SNX9: variants seen among roughly 807,000 people sequenced by gnomAD.
SNX9 encodes the protein sorting nexin-9.
A neutral mutation model predicts 89.4 loss-of-function variants in SNX9; 44 were observed. The observed-to-expected ratio is 0.49, with a 90% confidence interval of 0.39 to 0.63. The LOEUF is 0.63. Ranked by LOEUF, SNX9 falls within the 30% of genes least tolerant of loss-of-function variation. The probability of loss-of-function intolerance (pLI) is 0.00; values close to 1 mark genes in which losing one functional copy is unlikely to be tolerated. For synonymous variants in SNX9, 236 were observed against 247.8 expected, an observed-to-expected ratio of 0.95 and a Z score of 0.45; for missense variants, 578 against 736.1, an observed-to-expected ratio of 0.79 and a Z score of 2.49.
intron 5 of SNX9, among the ~76,000 whole-genome samples, chr6:157,897,718 G>T (rs1783009840): frequency 6.6e-6 from 1 of 152,118 alleles, no homozygotes; most frequent in Non-Finnish European, 1.5e-5. Flanking sequence ...GTTTCACCAT[G>T]TTGGCCAGGC....
intron 1 of SNX9, among the ~76,000 whole-genome samples, chr6:157,853,460 A>G (rs964120488): frequency 6.6e-6 from 1 of 152,104 alleles, no homozygotes; most frequent in East Asian, 1.9e-4. Context: ...AATTTATTCA[A>G]CTTCTGGGAT....
At chr6:157,873,037 A>G (rs376947058) in intron 2 of SNX9, 65 bp from the exon 3 acceptor site, 5 of 1,380,614 alleles carry the variant, frequency 3.6e-6, no homozygotes, top group Admixed American at 2.3e-5. Context: ...CCTCCACACA[A>G]AATTTCTCCA....
chr6:157,867,472 G>A, intron 1 of SNX9, 75 bp from the exon 2 acceptor site: 2 of 1,207,182 alleles, frequency 1.7e-6, no homozygotes, highest in Non-Finnish European at 2.4e-6. Context: ...CTTAGAAAGT[G>A]AACTGTACAC....
chr6:157,831,566 G>A (rs570825337), intron 1 of SNX9, among the ~76,000 whole-genome samples: 243 of 152,248 alleles, frequency 1.6e-3, no homozygotes, highest in Admixed American at 3.3e-3. Context: ...CACTTTGTGT[G>A]TTGCCTCCCC....
intron 1 of SNX9, among the ~76,000 whole-genome samples, chr6:157,832,167 C>A (rs747694588): frequency 6.6e-6 from 1 of 152,146 alleles, no homozygotes; most frequent in Non-Finnish European, 1.5e-5. Flanking sequence ...ATCTGAAAAT[C>A]GAGTCATATG....
intron 1 of SNX9, among the ~76,000 whole-genome samples, chr6:157,856,663 C>G (rs538652814): frequency 5.3e-5 from 8 of 152,320 alleles, no homozygotes; most frequent in African/African-American, 1.7e-4. Context: ...CACTCCCAAC[C>G]CTTATCCCCT....
chr6:157,899,239 G>T (rs1442924899), intron 5 of SNX9, among the ~76,000 whole-genome samples: 1 of 152,112 alleles, frequency 6.6e-6, no homozygotes, highest in African/African-American at 2.4e-5. Context: ...CCCCAACTCG[G>T]TCTTTTTAAT....
intron 1 of SNX9, among the ~76,000 whole-genome samples, chr6:157,862,712 GT>G (rs1283415727): frequency 2.6e-5 from 4 of 151,818 alleles, no homozygotes; most frequent in African/African-American, 7.3e-5. Context: ...ATTTTGAACT[GT>G]TTTATTCTCT....
At chr6:157,854,649 C>T (rs1221118830) in intron 1 of SNX9, among the ~76,000 whole-genome samples, 1 of 152,004 alleles carries the variant, frequency 6.6e-6, no homozygotes, top group Non-Finnish European at 1.5e-5. Context: ...CATTGTGTTG[C>T]TTTTGTTGTT....
At chr6:157,843,712 T>G (rs948917138) in intron 1 of SNX9, among the ~76,000 whole-genome samples, 2 of 152,210 alleles carry the variant, frequency 1.3e-5, no homozygotes, top group African/African-American at 2.4e-5. Flanking sequence ...TTTGTGTACT[T>G]CTGATTGCAG....
chr6:157,889,646 G>T (rs1260587172), intron 4 of SNX9, among the ~76,000 whole-genome samples: 2 of 152,092 alleles, frequency 1.3e-5, no homozygotes, highest in African/African-American at 4.8e-5. Context: ...TGTATCTGAA[G>T]GTAACAGAAC....
Position 157,823,341 on chromosome 6 carries a change from C to A in SNX9, c.-94C>A. On this transcript the variant is annotated 5_prime_UTR_variant, in exon 1 of 18. Coordinates refer to ENST00000392185, the MANE Select transcript of SNX9 (RefSeq NM_016224.5). The surrounding 1 kb of genome is among the most constrained non-coding windows in gnomAD (Gnocchi z 4.6). ...CGCGCCGGGGCCCAGCCGGAGCCGCCGCCCTCGCCCTTGCCTTTGCCTGCG... is the reference window on the plus strand; with the variant it reads ...CGCGCCGGGGCCCAGCCGGAGCCGCAGCCCTCGCCCTTGCCTTTGCCTGCG... 1 of 1,119,908 alleles carries A rather than the reference C, an allele frequency of 8.9e-7. No homozygotes were observed. Among genetic ancestry groups the A allele is most frequent in the South Asian group, 2.9e-5 (1 of 34,196 alleles). 69.4% of individuals were successfully genotyped at this position (1,119,908 alleles called of 1,614,324 possible).
intron 1 of SNX9, among the ~76,000 whole-genome samples, chr6:157,858,510 C>T (rs1782057923): frequency 6.6e-6 from 1 of 152,090 alleles, no homozygotes; most frequent in South Asian, 2.1e-4. Flanking sequence ...GTGTGAGCCA[C>T]CATGCCCGGC....
At chr6:157,931,941 A>T (rs1484866168) in intron 12 of SNX9, among the ~76,000 whole-genome samples, 1 of 152,244 alleles carries the variant, frequency 6.6e-6, no homozygotes, top group Non-Finnish European at 1.5e-5. Flanking sequence ...CATTTCACTT[A>T]CATCTCATTT....
At chr6:157,835,412 C>G (rs1229519148) in intron 1 of SNX9, among the ~76,000 whole-genome samples, 1 of 130,716 alleles carries the variant, frequency 7.7e-6, no homozygotes, top group Non-Finnish European at 1.7e-5. Flanking sequence ...CATTCCCCTT[C>G]TTTTTTTTTT....
rs1017130078 is a variant in SNX9 at position 157,944,290 on chromosome 6, T to C, written c.*1452T>C. 6.6e-6 allele frequency: 1 copy of C among 152,666 alleles called. No individual in the cohort carries two copies. Among genetic ancestry groups the C allele is most frequent in the African/African-American group, 2.4e-5 (1 of 41,460 alleles). 9.5% of individuals were successfully genotyped at this position (152,666 alleles called of 1,614,324 possible). A position where few individuals can be genotyped will look rare whatever the true frequency, so the allele number is the denominator to read the frequency against. On this transcript the variant is annotated 3_prime_UTR_variant, in exon 18 of 18. Transcript: ENST00000392185. ...ATAAGTAGATGAAATCAAATGAATA[T>C]GAGAACATCTTGTTCTTCAATATCA...
intron 5 of SNX9, among the ~76,000 whole-genome samples, chr6:157,899,761 G>A (rs1238585175): frequency 2.0e-5 from 3 of 151,974 alleles, no homozygotes; most frequent in African/African-American, 4.8e-5. Flanking sequence ...CCAACAAAGC[G>A]AGGCTCCGTC....
intron 10 of SNX9, 24 bp from the exon 11 acceptor site, chr6:157,927,087 A>C: frequency 6.3e-7 from 1 of 1,586,066 alleles, no homozygotes; most frequent in East Asian, 2.2e-5. Flanking sequence ...CTCCACTTGA[A>C]CCTTACAACA....
intron 1 of SNX9, among the ~76,000 whole-genome samples, chr6:157,845,485 G>T (rs2803352): frequency 0.24 from 36,382 of 151,954 alleles, 5,202 homozygotes; most frequent in East Asian, 0.35. Context: ...TACATTTCTT[G>T]GAAACAATTA....
Sources: gnomAD v4.1 joint callset for allele counts (sites outside exome capture counted in the v4.1 genomes callset) on GRCh38, gnomAD v4.1.1 for gene constraint, Gnocchi (gnomAD v3.1) non-coding constraint, MANE v1.5 for transcripts, NCBI Gene and HGNC (gene_info 2026-07-23, HGNC 2026-07-21) for gene names.